The following HHAT variants were observed in gnomAD, a reference collection of about 807,000 sequenced individuals.
HHAT encodes protein-cysteine N-palmitoyltransferase HHAT.
A neutral mutation model predicts 70.8 loss-of-function variants in HHAT; 47 were observed. That is an observed-to-expected ratio of 0.66 (90% CI 0.53 to 0.85). HHAT has a LOEUF of 0.85. HHAT is among the 40% of genes least tolerant of loss of function. HHAT has a pLI of 0.00. For synonymous variants in HHAT, 228 were observed against 247.6 expected (o/e 0.92, Z 0.74); for missense variants, 609 against 604.8 (o/e 1.01, Z -0.07).
At chr1:210,483,859 T>C (rs2094435538) in intron 8 of HHAT, among the ~76,000 whole-genome samples, 1 of 152,186 alleles carries the variant, frequency 6.6e-6, no homozygotes. Flanking sequence ...TTCTGTACTA[T>C]AAATCTTTCT....
intron 11 of HHAT, among the ~76,000 whole-genome samples, chr1:210,650,191 A>G (rs180723627): frequency 2.8e-3 from 421 of 152,338 alleles, no homozygotes; most frequent in African/African-American, 9.5e-3. Context: ...TTGAATAAAT[A>G]GAGAATCAGA....
intron 11 of HHAT, among the ~76,000 whole-genome samples, chr1:210,651,180 A>G (rs1675052086): frequency 6.6e-6 from 1 of 152,168 alleles, no homozygotes; most frequent in African/African-American, 2.4e-5. Flanking sequence ...TGCATGGCAA[A>G]TGCCCCTACT....
At chr1:210,406,416 C>G (rs1227504413) in intron 6 of HHAT, among the ~76,000 whole-genome samples, 2 of 147,376 alleles carry the variant, frequency 1.4e-5, no homozygotes, top group Non-Finnish European at 3.0e-5. Flanking sequence ...TTTTTTGAGA[C>G]AGAGTCTTAC....
intron 9 of HHAT, among the ~76,000 whole-genome samples, chr1:210,515,189 T>G (rs2095033241): frequency 6.6e-6 from 1 of 152,190 alleles, no homozygotes. Context: ...TCAGCAGGTT[T>G]ATTGCTTATC....
intron 11 of HHAT, among the ~76,000 whole-genome samples, chr1:210,636,858 A>G (rs1671961189): frequency 6.6e-6 from 1 of 152,176 alleles, no homozygotes; most frequent in Non-Finnish European, 1.5e-5. Context: ...AATTGCTAAG[A>G]GAAGTTAGGT....
intron 11 of HHAT, 70 bp downstream of exon 11, chr1:210,623,740 G>T: frequency 6.8e-7 from 1 of 1,469,594 alleles, no homozygotes; most frequent in South Asian, 1.2e-5. Context: ...GATCATACAT[G>T]GGATGGATGG....
chr1:210,374,630 A>G (rs1216199147), intron 3 of HHAT, among the ~76,000 whole-genome samples: 1 of 151,764 alleles, frequency 6.6e-6, no homozygotes. Context: ...CCCTTTTTGT[A>G]TAATGGGACT....
intron 10 of HHAT, among the ~76,000 whole-genome samples, chr1:210,602,940 T>C (rs1664607156): frequency 6.6e-6 from 1 of 152,198 alleles, no homozygotes. Context: ...TGAAAATAAT[T>C]CCATGTTAGT....
chr1:210,513,330 G>GT (rs1308313434), intron 9 of HHAT, 142 bp downstream of exon 9: 5 of 510,892 alleles, frequency 9.8e-6, no homozygotes, highest in African/African-American at 8.0e-5. Context: ...TAACACTATG[G>GT]TTTTTTCTGT....
chr1:210,664,628 C>T (rs1395145979), intron 11 of HHAT, among the ~76,000 whole-genome samples: 1 of 152,188 alleles, frequency 6.6e-6, no homozygotes, highest in African/African-American at 2.4e-5. Context: ...GAGATATGTA[C>T]ATACAGTTAG....
intron 8 of HHAT, among the ~76,000 whole-genome samples, chr1:210,493,535 C>T (rs2094584023): frequency 6.6e-6 from 1 of 152,110 alleles, no homozygotes. Context: ...AATACCTTAC[C>T]TGCAACATTT....
chr1:210,527,383 A>G (rs1282070037), intron 9 of HHAT, among the ~76,000 whole-genome samples: 2 of 152,140 alleles, frequency 1.3e-5, no homozygotes, highest in Non-Finnish European at 2.9e-5. Flanking sequence ...TTCATGCTTC[A>G]CTTTCCTTAT....
intron 9 of HHAT, among the ~76,000 whole-genome samples, chr1:210,539,769 G>A (rs1035408087): frequency 9.2e-5 from 14 of 152,152 alleles, no homozygotes; most frequent in African/African-American, 3.4e-4. Context: ...CAGGGCAGCT[G>A]TTTCAGTGCC....
At chr1:210,624,049 A>G (rs979386924) in intron 11 of HHAT, among the ~76,000 whole-genome samples, 1 of 152,184 alleles carries the variant, frequency 6.6e-6, no homozygotes, top group African/African-American at 2.4e-5. Flanking sequence ...AATTGGCATT[A>G]TTAAGAGATG....
At chr1:210,583,247 A>G (rs544281562) in intron 9 of HHAT, among the ~76,000 whole-genome samples, 2 of 152,304 alleles carry the variant, frequency 1.3e-5, no homozygotes, top group South Asian at 2.1e-4. Context: ...TGGTGCATTG[A>G]TTCAGTGAGA....
At chr1:210,647,381 C>A (rs944651918) in intron 11 of HHAT, among the ~76,000 whole-genome samples, 2 of 152,182 alleles carry the variant, frequency 1.3e-5, no homozygotes, top group African/African-American at 4.8e-5. Context: ...TCGGGGGACA[C>A]AATTCAACCC....
intron 7 of HHAT, among the ~76,000 whole-genome samples, chr1:210,442,007 C>G (rs1326015013): frequency 5.7e-5 from 7 of 121,782 alleles, no homozygotes; most frequent in East Asian, 2.7e-4. Context: ...CCCCTCCCCC[C>G]ACCCCACAAC....
At chr1:210,657,529 T>C (rs1210106801) in intron 11 of HHAT, among the ~76,000 whole-genome samples, 2 of 152,212 alleles carry the variant, frequency 1.3e-5, no homozygotes, top group Non-Finnish European at 2.9e-5. Flanking sequence ...GCTGTGGCCA[T>C]GGCTGCTGCC....
In HHAT at chr1:210,601,632, A is replaced by AG. The variant is rs538176400; in HGVS notation, c.1245+13535dup. On this transcript the variant is annotated intron_variant, in intron 10 of 11. Coordinates refer to ENST00000261458, the MANE Select transcript of HHAT (RefSeq NM_018194.6). ...TAGAAGACACTTTGCACATTACTGA[A>AG]GGACTCTAAACTGAATAAGACATGA... Among the ~76,000 whole-genome samples the AG allele has an allele frequency of 6.5e-4, 99 of 152,236 alleles. No homozygotes were observed. In the East Asian group the frequency reaches 0.012, roughly 19 times the overall value.
Sources: allele counts gnomAD v4.1 joint callset (sites outside exome capture counted in the v4.1 genomes callset), GRCh38; gene constraint gnomAD v4.1.1; transcripts MANE v1.5; gene names NCBI Gene and HGNC (gene_info 2026-07-23, HGNC 2026-07-21).